SH3TC1: variants seen among roughly 807,000 people sequenced by gnomAD.
SH3TC1 encodes the protein SH3 domain and tetratricopeptide repeat-containing protein 1.
Under a neutral mutation model 117.3 loss-of-function variants are expected in SH3TC1, and 135 were observed. The observed-to-expected ratio is 1.15, with a 90% CI of 1.00 to 1.33. The LOEUF (loss-of-function observed/expected upper bound fraction) is 1.33. SH3TC1 is among the 40% of genes most tolerant of loss of function. The probability of loss-of-function intolerance (pLI) is 0.00; values close to 1 mark genes in which losing one functional copy is unlikely to be tolerated. For synonymous variants in SH3TC1, 898 were observed against 816.9 expected, an observed-to-expected ratio of 1.10 and a Z score of -1.69; for missense variants, 2,092 against 1,794.3, an observed-to-expected ratio of 1.17 and a Z score of -3.00.
At chr4:8,221,140 G>A (rs541555708) in intron 9 of SH3TC1, among the ~76,000 whole-genome samples, 1 of 152,280 alleles carries the variant, frequency 6.6e-6, no homozygotes, top group African/African-American at 2.4e-5. Flanking sequence ...CACTCTTTGG[G>A]GATCCTTGGT....
chr4:8,216,581 G>C (rs951615843), intron 6 of SH3TC1, among the ~76,000 whole-genome samples: 5 of 152,200 alleles, frequency 3.3e-5, no homozygotes, highest in Admixed American at 6.5e-5. Flanking sequence ...CTGAGGAGGG[G>C]ACATGAGGCT....
chr4:8,215,136 C>CTTCA (rs1561690625), intron 5 of SH3TC1: 4 of 456,230 alleles, frequency 8.8e-6, no homozygotes, highest in African/African-American at 2.0e-5. Flanking sequence ...TTCTAGTTGC[C>CTTCA]TTCACACTCT....
chr4:8,225,284 G>C lies in SH3TC1; in HGVS notation c.1285+68G>C. On this transcript the variant is annotated intron_variant, in intron 11 of 17. Transcript: ENST00000245105. This position sits in a 1 kb window ranked among gnomAD's most constrained non-coding sequence, Gnocchi z 5.5. ...GGGCCTTGGGGTAACGCTGGGGGAG[G>C]TGACAAAGCTGAGCACGGTGGGCAT... 6.5e-7 allele frequency: 1 copy of C among 1,547,348 alleles called. No individual in the cohort carries two copies. The highest frequency in any genetic ancestry group is 1.2e-5 in the South Asian group (1 of 85,974).
At chr4:8,223,338 G>C (rs1006661116) in intron 10 of SH3TC1, among the ~76,000 whole-genome samples, 1 of 152,250 alleles carries the variant, frequency 6.6e-6, no homozygotes, top group Non-Finnish European at 1.5e-5. Context: ...ACTGCACTTT[G>C]CCTGGGTGAG....
At position 8,210,762 on chromosome 4, in the gene SH3TC1, A is replaced by T. The variant is rs1718594836; in HGVS notation, c.247+940A>T. 6.7e-6 allele frequency among the ~76,000 whole-genome samples: 1 copy of T among 149,754 alleles called. No individual in the cohort carries two copies. The highest frequency in any genetic ancestry group is 2.5e-5 in the African/African-American group (1 of 40,234). On this transcript the variant is annotated intron_variant, in intron 3 of 17. Transcript: ENST00000245105. This position sits in a 1 kb window ranked among gnomAD's most constrained non-coding sequence, Gnocchi z 4.1. ...GCAACTTCTGAAAAAAAAAAAAAAA[A>T]AAAAAAAAAAAAGGCCGTCACAGCT...
In SH3TC1 at chr4:8,205,353, G is replaced by T. The variant is rs142606791; in HGVS notation, c.159G>T (p.Ala53=). ...AAGCGGGGCCCGAGGAGGCCAAGGCGCCAGTGAGAGGCGGTGAGTTCATTC... is the reference window on the plus strand; with the variant it reads ...AAGCGGGGCCCGAGGAGGCCAAGGCTCCAGTGAGAGGCGGTGAGTTCATTC... ...WEKAGPEEAK[A]PVRGDEAPPA... The change falls in exon 2 of 18, where the codon GCG becomes GCT. Residue 53 remains alanine, a synonymous_variant. Transcript: ENST00000245105. This position sits in a 1 kb window ranked among gnomAD's most constrained non-coding sequence, Gnocchi z 5.4. 1.0e-5 allele frequency: 16 copies of T among 1,547,918 alleles called. No homozygotes were observed. The highest frequency in any genetic ancestry group is 1.4e-5 in the Non-Finnish European group (16 of 1,146,350).
chr4:8,232,640 C>A, intron 13 of SH3TC1: 2 of 1,305,072 alleles, frequency 1.5e-6, no homozygotes, highest in Non-Finnish European at 2.0e-6. Context: ...CACATGTGGC[C>A]CACTTGGCTC....
intron 14 of SH3TC1, among the ~76,000 whole-genome samples, chr4:8,234,290 TCATC>T (rs1721592634): frequency 6.6e-6 from 1 of 151,474 alleles, no homozygotes. Flanking sequence ...CATCCATCAT[TCATC>T]CATCCACCCA....
rs903788963 is a variant in SH3TC1, at chr4:8,237,383, G to A, written c.3557-91G>A. 6.5e-5 allele frequency: 76 copies of A among 1,161,458 alleles called. No homozygotes were observed. In the Admixed American group the frequency reaches 2.2e-3, roughly 34 times the overall value. The allele number at this position is 1,161,458 out of a possible 1,614,324, so 71.9% of individuals were successfully genotyped here. A position where few individuals can be genotyped will look rare whatever the true frequency, so the allele number is the denominator to read the frequency against. ...GGCCAGAACTGCCCAGGTGACCGCA[G>A]TGCCTGGAGGCGAGCCAGGTGCTGC... On this transcript the variant is annotated intron_variant, in intron 16 of 17. Coordinates refer to ENST00000245105, the MANE Select transcript of SH3TC1 (RefSeq NM_018986.5).
chr4:8,205,065 C>A lies in SH3TC1; in HGVS notation c.-28-102C>A. ...GCTGGATCTGAAAGGTGCAGGCGCT[C>A]AGCAACGCTGGTGTTCTCTTTCTGG... On this transcript the variant is annotated intron_variant, in intron 1 of 17. Coordinates refer to ENST00000245105, the MANE Select transcript of SH3TC1 (RefSeq NM_018986.5). The surrounding 1 kb of genome is among the most constrained non-coding windows in gnomAD (Gnocchi z 5.4). 1.0e-6 allele frequency: 1 copy of A among 956,976 alleles called. No individual in the cohort carries two copies. 59.3% of individuals were successfully genotyped at this position (956,976 alleles called of 1,614,324 possible).
rs535556753 is a variant in SH3TC1, at chr4:8,209,205, G to C, written c.173-543G>C. Among the ~76,000 whole-genome samples, 25 of 152,354 alleles carry C rather than the reference G, an allele frequency of 1.6e-4. No individual in the cohort carries two copies. Among genetic ancestry groups the C allele is most frequent in the Admixed American group, 9.1e-4 (14 of 15,308 alleles). ...CTGCATTACCTCATCCAGCAAAGGG[G>C]ACTTTGCAGATGTGATCAAAGGCAA... On this transcript the variant is annotated intron_variant, in intron 2 of 17. Coordinates refer to ENST00000245105, the MANE Select transcript of SH3TC1 (RefSeq NM_018986.5). The surrounding 1 kb of genome is among the most constrained non-coding windows in gnomAD (Gnocchi z 5.9).
intron 1 of SH3TC1, among the ~76,000 whole-genome samples, chr4:8,189,896 G>T (rs531657700): frequency 6.6e-6 from 1 of 152,300 alleles, no homozygotes; most frequent in East Asian, 1.9e-4. Context: ...GAAACGGGAG[G>T]TGTCCAAAGG....
Position 8,226,961 on chromosome 4 carries a change from G to A in SH3TC1, c.1286-19G>A. 2 of 1,519,350 alleles carry A rather than the reference G, an allele frequency of 1.3e-6. No homozygotes were observed. Among genetic ancestry groups the A allele is most frequent in the Non-Finnish European group, 1.8e-6 (2 of 1,130,808 alleles). The allele number at this position is 1,519,350 out of a possible 1,614,324, so 94.1% of individuals were successfully genotyped here. On this transcript the variant is annotated intron_variant, in intron 11 of 17. Transcript: ENST00000245105. Reference sequence around the variant, plus strand: ...CACTGCTGGACTCTAATCTGTCTAGGTGTTTTTGTGACTTGCAGAAATACC... The same window carrying A: ...CACTGCTGGACTCTAATCTGTCTAGATGTTTTTGTGACTTGCAGAAATACC...
chr4:8,209,914 A>T lies in SH3TC1; in HGVS notation c.247+92A>T. On this transcript the variant is annotated intron_variant, in intron 3 of 17. Transcript: ENST00000245105. The surrounding 1 kb of genome is among the most constrained non-coding windows in gnomAD (Gnocchi z 5.9). Reference sequence around the variant, plus strand: ...CAAGAGTCCAACCCAGGGCTTCTCAAAGTGTGGCCTCAGACTTCCCACCTT... The same window carrying T: ...CAAGAGTCCAACCCAGGGCTTCTCATAGTGTGGCCTCAGACTTCCCACCTT... 3 of 1,307,376 alleles carry T rather than the reference A, an allele frequency of 2.3e-6. No homozygotes were observed. Among genetic ancestry groups the T allele is most frequent in the Non-Finnish European group, 3.2e-6 (3 of 940,048 alleles). 81.0% of individuals were successfully genotyped at this position (1,307,376 alleles called of 1,614,324 possible).
At chr4:8,229,759 G>A (rs1350105151) in intron 12 of SH3TC1, among the ~76,000 whole-genome samples, 2 of 152,054 alleles carry the variant, frequency 1.3e-5, no homozygotes, top group Admixed American at 1.3e-4. Flanking sequence ...CTGACTGCAA[G>A]GAGACCCTCC....
At chr4:8,214,336 G>A in intron 4 of SH3TC1, 139 bp from the exon 5 acceptor site, 1 of 701,620 alleles carries the variant, frequency 1.4e-6, no homozygotes, top group Non-Finnish European at 2.3e-6. Context: ...GACTTGGGCT[G>A]TGAAGGAATC....
intron 3 of SH3TC1, among the ~76,000 whole-genome samples, chr4:8,212,412 T>A (rs1365606252): frequency 7.9e-5 from 12 of 152,108 alleles, no homozygotes; most frequent in Admixed American, 7.9e-4. Context: ...CGCAGTGGTT[T>A]CTGTGCCGGC....
intron 7 of SH3TC1, 137 bp downstream of exon 7, chr4:8,217,304 C>A: frequency 9.0e-7 from 1 of 1,107,112 alleles, no homozygotes; most frequent in Non-Finnish European, 1.3e-6. Context: ...TGTTCTGCTG[C>A]TTCCCAGCTG....
intron 4 of SH3TC1, chr4:8,213,135 T>C (rs1718901565): frequency 2.5e-6 from 1 of 395,024 alleles, no homozygotes; most frequent in Admixed American, 4.3e-5. Context: ...CAAAGTCTCT[T>C]TGATGGGGAG....
Sources: allele counts gnomAD v4.1 joint callset (sites outside exome capture counted in the v4.1 genomes callset), GRCh38; gene constraint gnomAD v4.1.1; non-coding constraint Gnocchi (gnomAD v3.1); transcripts MANE v1.5; gene names NCBI Gene and HGNC (gene_info 2026-07-23, HGNC 2026-07-21).